Variants in TPST1 observed in about 807,000 individuals in gnomAD.
The protein encoded by TPST1 is protein-tyrosine sulfotransferase 1.
Under a neutral mutation model 34.8 loss-of-function variants are expected in TPST1, and 20 were observed. That is an observed-to-expected ratio of 0.57 (90% CI 0.40 to 0.84). TPST1 has a LOEUF of 0.84. TPST1 is among the 40% of genes least tolerant of loss of function. TPST1 has a pLI of 0.00. For synonymous variants in TPST1, 152 were observed against 159.4 expected (o/e 0.95, Z 0.35); for missense variants, 353 against 455.5 (o/e 0.78, Z 2.05).
chr7:66,199,346 G>A, the TPST1 span, among the ~76,000 whole-genome samples: 1 of 145,762 alleles, frequency 6.9e-6, no homozygotes, highest in African/African-American at 2.6e-5. Flanking sequence ...CCAGGCTGGA[G>A]TGCAGTGGTG....
chr7:66,244,962 C>T (rs761531440), intron 2 of TPST1, among the ~76,000 whole-genome samples: 1 of 152,144 alleles, frequency 6.6e-6, no homozygotes, highest in African/African-American at 2.4e-5. Context: ...TGAAAACTGA[C>T]ACCCTACAGC....
intron 2 of TPST1, among the ~76,000 whole-genome samples, chr7:66,267,711 C>A (rs536300285): frequency 1.3e-5 from 2 of 152,138 alleles, no homozygotes; most frequent in African/African-American, 4.8e-5. Context: ...TAGAGCTTTC[C>A]ACAGTTATTC....
At chr7:66,351,671 CAAAA>C (rs749188820) in intron 3 of TPST1, among the ~76,000 whole-genome samples, 2 of 111,976 alleles carry the variant, frequency 1.8e-5, no homozygotes. Flanking sequence ...CCCTCCCCTC[CAAAA>C]AAAAAAAAAA....
chr7:66,273,234 T>G (rs1245353781), intron 2 of TPST1, among the ~76,000 whole-genome samples: 1 of 151,880 alleles, frequency 6.6e-6, no homozygotes, highest in Non-Finnish European at 1.5e-5. Flanking sequence ...ATCAAGGAGG[T>G]GAAAGACTTG....
intron 3 of TPST1, among the ~76,000 whole-genome samples, chr7:66,326,365 G>A (rs1791867346): frequency 6.6e-6 from 1 of 152,208 alleles, no homozygotes; most frequent in South Asian, 2.1e-4. Context: ...GTATTCTCAT[G>A]TTTAAAGGAT....
At chr7:66,220,606 A>G (rs1477096268) in intron 1 of TPST1, among the ~76,000 whole-genome samples, 2 of 126,822 alleles carry the variant, frequency 1.6e-5, no homozygotes, top group Admixed American at 1.0e-4. Flanking sequence ...GCTGCAGTGC[A>G]TGCGGAGGCT....
At chr7:66,242,440 A>T (rs1442611923) in intron 2 of TPST1, among the ~76,000 whole-genome samples, 1 of 152,074 alleles carries the variant, frequency 6.6e-6, no homozygotes, top group Non-Finnish European at 1.5e-5. Flanking sequence ...TAGTAAATAG[A>T]TTTCTTATGT....
chr7:66,228,307 G>T (rs1789706405), intron 1 of TPST1, among the ~76,000 whole-genome samples: 1 of 152,130 alleles, frequency 6.6e-6, no homozygotes, highest in Admixed American at 6.5e-5. Context: ...TGTTGTTAAG[G>T]AAATTTTATT....
chr7:66,326,666 G>A (rs1341834932), intron 3 of TPST1, among the ~76,000 whole-genome samples: 1 of 152,106 alleles, frequency 6.6e-6, no homozygotes, highest in Non-Finnish European at 1.5e-5. Context: ...AGAGTAAGAG[G>A]TTCCTATTTC....
chr7:66,341,141 G>A (rs557560298), intron 3 of TPST1, among the ~76,000 whole-genome samples: 13 of 152,288 alleles, frequency 8.5e-5, no homozygotes, highest in African/African-American at 3.1e-4. Context: ...AATACCTAAA[G>A]CTATCCTGAG....
chr7:66,274,630 C>CT (rs1790770125), intron 2 of TPST1, among the ~76,000 whole-genome samples: 1 of 152,106 alleles, frequency 6.6e-6, no homozygotes, highest in African/African-American at 2.4e-5. Flanking sequence ...GTAAAGGAAA[C>CT]TATCAACAGA....
chr7:66,340,409 A>G (rs918154128), intron 3 of TPST1, among the ~76,000 whole-genome samples: 15 of 152,176 alleles, frequency 9.9e-5, no homozygotes, highest in African/African-American at 3.6e-4. Flanking sequence ...GGCAAGAGAA[A>G]GAAATAAAGG....
intron 3 of TPST1, among the ~76,000 whole-genome samples, chr7:66,319,028 TCCAATTTTA>T (rs1260955937): frequency 6.6e-6 from 1 of 152,222 alleles, no homozygotes; most frequent in Non-Finnish European, 1.5e-5. Context: ...AACTGTATTT[TCCAATTTTA>T]CTACAATATA....
chr7:66,264,159 G>T (rs1000960091), intron 2 of TPST1, among the ~76,000 whole-genome samples: 2 of 152,164 alleles, frequency 1.3e-5, no homozygotes, highest in Non-Finnish European at 2.9e-5. Context: ...TGAGATCGGG[G>T]AGGACAGTAG....
At chr7:66,328,410 T>C (rs1007920599) in intron 3 of TPST1, among the ~76,000 whole-genome samples, 1 of 152,226 alleles carries the variant, frequency 6.6e-6, no homozygotes, top group Non-Finnish European at 1.5e-5. Context: ...GCATTTGCCC[T>C]GCAGCAGTAG....
chr7:66,355,899 C>A (rs1584264705), intron 4 of TPST1, among the ~76,000 whole-genome samples: 6 of 101,904 alleles, frequency 5.9e-5, no homozygotes, highest in Admixed American at 1.2e-4. Flanking sequence ...AGCAAGACTC[C>A]ATCAAAAAAA....
rs139578247 is a variant in TPST1 at position 66,251,363 on chromosome 7, G to T, written c.845+10093G>T. ...GAATAGCACCTGGCACATAGAAATT[G>T]TTCAAAGTGGTACTTATTAGTATGT... On this transcript the variant is annotated intron_variant, in intron 2 of 5. Transcript: ENST00000304842. 4.6e-5 allele frequency among the ~76,000 whole-genome samples: 7 copies of T among 152,228 alleles called. No homozygotes were observed. The East Asian group carries it at 1.3e-3, about 29-fold the overall frequency.
chr7:66,252,764 T>C (rs1790294188), intron 2 of TPST1, among the ~76,000 whole-genome samples: 1 of 152,240 alleles, frequency 6.6e-6, no homozygotes, highest in South Asian at 2.1e-4. Flanking sequence ...TCTTTTTCTT[T>C]AGAATTTTTT....
intron 3 of TPST1, among the ~76,000 whole-genome samples, chr7:66,324,800 CAAAAAAAAAAAAAAAA>C (rs56389964): frequency 3.1e-4 from 34 of 109,270 alleles, no homozygotes; most frequent in African/African-American, 1.1e-3. Flanking sequence ...GACTCTGTCT[CAAAAAAAAAAAAAAAA>C]AAAAAAAAAA....
Sources: gnomAD v4.1 joint callset for allele counts (sites outside exome capture counted in the v4.1 genomes callset) on GRCh38, gnomAD v4.1.1 for gene constraint, MANE v1.5 for transcripts, NCBI Gene and HGNC (gene_info 2026-07-23, HGNC 2026-07-21) for gene names.